The following TDP1 variants were observed in gnomAD, a reference collection of about 807,000 sequenced individuals.
TDP1 encodes tyrosyl-DNA phosphodiesterase 1.
TDP1 carries 64 observed loss-of-function variants against 81.5 expected under a neutral mutation model. The ratio of observed to expected loss-of-function variants is 0.79; its 90% CI spans 0.64 to 0.97. The LOEUF is 0.97. Among genes scored for constraint, TDP1 ranks in the 50% least tolerant of loss-of-function variants. The pLI is 0.00. For synonymous variants in TDP1, 256 were observed against 264.3 expected, an observed-to-expected ratio of 0.97 and a Z score of 0.30; for missense variants, 723 against 743.8, an observed-to-expected ratio of 0.97 and a Z score of 0.33.
rs538876000 is a variant in TDP1 at position 89,980,536 on chromosome 14, A to G, written c.792-4A>G. On this transcript the variant is annotated splice_polypyrimidine_tract_variant and splice_region_variant and intron_variant, in intron 7 of 16. Transcript: ENST00000335725. ...TGCTTTTTGATCCTTTGCTGTTTTTAAAGGAAAATGATGCTGCTGCTCTAT... is the reference window on the plus strand; with the variant it reads ...TGCTTTTTGATCCTTTGCTGTTTTTGAAGGAAAATGATGCTGCTGCTCTAT... The G allele has an allele frequency of 6.2e-7, 1 of 1,613,490 alleles. No individual in the cohort carries two copies. The highest frequency in any genetic ancestry group is 1.7e-5 in the Admixed American group (1 of 60,022).
Position 90,029,199 on chromosome 14 carries a change from T to A in TDP1, c.1645-3907T>A, listed in dbSNP as rs972239863. Among the ~76,000 whole-genome samples the A allele has an allele frequency of 5.4e-3, 809 of 149,374 alleles. 6 individuals carry two copies. Among genetic ancestry groups the A allele is most frequent in the African/African-American group, 0.019 (761 of 40,372 alleles). On this transcript the variant is annotated intron_variant, in intron 15 of 16. Coordinates refer to ENST00000335725, the MANE Select transcript of TDP1 (RefSeq NM_018319.4). ...TGATTTCCAGCCCTGCCATTATTTT[T>A]TTTTTTTTTTTTTTTTGAGACAGAG...
intron 10 of TDP1, 104 bp from the exon 11 acceptor site, chr14:89,988,801 T>A: frequency 6.4e-7 from 1 of 1,558,604 alleles, no homozygotes; most frequent in Non-Finnish European, 8.7e-7. Flanking sequence ...TCAGCTTTTC[T>A]TGTTAATTAG....
intron 6 of TDP1, among the ~76,000 whole-genome samples, chr14:89,971,670 T>G (rs1893683324): frequency 6.6e-6 from 1 of 152,338 alleles, no homozygotes; most frequent in East Asian, 1.9e-4. Context: ...CAATGTAGTA[T>G]GGATTCTGAG....
At chr14:90,038,472 A>AT (rs1336704011) in intron 16 of TDP1, among the ~76,000 whole-genome samples, 1 of 152,182 alleles carries the variant, frequency 6.6e-6, no homozygotes, top group Non-Finnish European at 1.5e-5. Context: ...ATCATCAAGT[A>AT]TTTTTCTAAG....
chr14:89,980,438 T>C (rs1894837676), intron 7 of TDP1, 102 bp from the exon 8 acceptor site: 1 of 1,420,764 alleles, frequency 7.0e-7, no homozygotes, highest in Non-Finnish European at 9.7e-7. Context: ...AATATGAGAG[T>C]TTAAAAAAAT....
At chr14:89,966,302 A>C in intron 4 of TDP1, 112 bp downstream of exon 4, 1 of 777,690 alleles carries the variant, frequency 1.3e-6, no homozygotes, top group Non-Finnish European at 2.3e-6. Flanking sequence ...CTGTTCAAAG[A>C]CTGAGATGGC....
intron 10 of TDP1, among the ~76,000 whole-genome samples, chr14:89,987,816 C>T (rs1895736957): frequency 6.6e-6 from 1 of 151,908 alleles, no homozygotes; most frequent in South Asian, 2.1e-4. Flanking sequence ...TTCTAAAGGT[C>T]TAAGTAGGAA....
intron 5 of TDP1, chr14:89,970,758 CAT>C: frequency 1.1e-6 from 1 of 940,766 alleles, no homozygotes; most frequent in Non-Finnish European, 1.3e-6. Context: ...AGGCCGGAAA[CAT>C]ATCGAGTGAT....
chr14:89,993,183 G>A, intron 13 of TDP1, 193 bp from the exon 14 acceptor site: 3 of 982,668 alleles, frequency 3.1e-6, no homozygotes, highest in South Asian at 4.7e-5. Context: ...CTTGTGAAAA[G>A]TGGGAAGTTT....
chr14:89,977,749 G>C (rs992004283), intron 7 of TDP1, among the ~76,000 whole-genome samples: 1 of 152,206 alleles, frequency 6.6e-6, no homozygotes, highest in Non-Finnish European at 1.5e-5. Flanking sequence ...CCAGATCATA[G>C]TGATGGAGGG....
intron 8 of TDP1, chr14:89,983,147 G>A (rs78193399): frequency 4.4e-6 from 2 of 455,858 alleles, no homozygotes; most frequent in African/African-American, 4.0e-5. Context: ...GATCCAGGAG[G>A]AGCCTCACTC....
chr14:89,972,233 T>C (rs1893743272), intron 6 of TDP1, among the ~76,000 whole-genome samples: 1 of 152,156 alleles, frequency 6.6e-6, no homozygotes, highest in Admixed American at 6.5e-5. Flanking sequence ...AAACTTTCAA[T>C]TGTGACAGAA....
intron 16 of TDP1, among the ~76,000 whole-genome samples, chr14:90,035,855 C>T (rs1887771008): frequency 6.6e-6 from 1 of 152,000 alleles, no homozygotes; most frequent in African/African-American, 2.4e-5. Flanking sequence ...GCCCTGCACC[C>T]TGGCTGGATT....
At position 90,027,071 on chromosome 14, in the gene TDP1, C is replaced by T. The variant is rs149694492; in HGVS notation, c.1645-6035C>T. Among the ~76,000 whole-genome samples, 308 of 152,312 alleles carry T rather than the reference C, an allele frequency of 2.0e-3. 1 individual carries two copies. Among genetic ancestry groups the T allele is most frequent in the African/African-American group, 6.7e-3 (279 of 41,558 alleles). ...CAATGGTTGAACTAGTTTACAGTCCCACCAACAGTGTAAAAGTGTTCCTAT... is the reference window on the plus strand; with the variant it reads ...CAATGGTTGAACTAGTTTACAGTCCTACCAACAGTGTAAAAGTGTTCCTAT... On this transcript the variant is annotated intron_variant, in intron 15 of 16. Coordinates refer to ENST00000335725, the MANE Select transcript of TDP1 (RefSeq NM_018319.4).
intron 16 of TDP1, among the ~76,000 whole-genome samples, chr14:90,041,057 A>G (rs1888305314): frequency 6.6e-6 from 1 of 152,216 alleles, no homozygotes; most frequent in South Asian, 2.1e-4. Context: ...TGCTTGTATC[A>G]AAAATCCTGC....
intron 14 of TDP1, among the ~76,000 whole-genome samples, chr14:90,000,091 G>A (rs1218976638): frequency 6.6e-6 from 1 of 152,132 alleles, no homozygotes; most frequent in Non-Finnish European, 1.5e-5. Flanking sequence ...GCTTGTGGCT[G>A]TAAGCCTGAC....
At chr14:90,015,092 A>C (rs1160604935) in intron 14 of TDP1, among the ~76,000 whole-genome samples, 1 of 152,184 alleles carries the variant, frequency 6.6e-6, no homozygotes. Context: ...TAGCCTGGAA[A>C]GGGATTTTTG....
At chr14:89,967,613 C>A (rs1050147780) in intron 5 of TDP1, among the ~76,000 whole-genome samples, 191 bp downstream of exon 5, 1 of 152,166 alleles carries the variant, frequency 6.6e-6, no homozygotes, top group South Asian at 2.1e-4. Flanking sequence ...ATTCTTTTTA[C>A]GGATTTTAGC....
chr14:90,029,152 A>G (rs1886972728), intron 15 of TDP1, among the ~76,000 whole-genome samples: 1 of 150,896 alleles, frequency 6.6e-6, no homozygotes, highest in Non-Finnish European at 1.5e-5. Context: ...GGAATGTAGG[A>G]CCAAGAATCA....
Sources: allele counts gnomAD v4.1 joint callset (sites outside exome capture counted in the v4.1 genomes callset), GRCh38; gene constraint gnomAD v4.1.1; transcripts MANE v1.5; gene names NCBI Gene and HGNC (gene_info 2026-07-23, HGNC 2026-07-21).